The following PRR16 variants were observed in gnomAD, a reference collection of about 807,000 sequenced individuals.
PRR16 encodes proline rich 16.
In PRR16, 6 loss-of-function variants were observed where a neutral mutation model predicts 18.2. The observed-to-expected ratio is 0.33, with a 90% CI of 0.18 to 0.65. The LOEUF (loss-of-function observed/expected upper bound fraction) is 0.65, where lower values mean the gene tolerates loss of function less well. Ranked by LOEUF, PRR16 falls within the 30% of genes least tolerant of loss-of-function variation. The pLI, the probability that PRR16 is intolerant of heterozygous loss-of-function variation, is 0.74. For synonymous variants in PRR16, 151 were observed against 147.8 expected, an observed-to-expected ratio of 1.02 and a Z score of -0.16; for missense variants, 412 against 376.6, an observed-to-expected ratio of 1.09 and a Z score of -0.78.
At position 120,587,793 on chromosome 5, in the gene PRR16, A is replaced by G. The variant is rs138011082; in HGVS notation, c.160-98161A>G. 1.4e-4 allele frequency among the ~76,000 whole-genome samples: 21 copies of G among 152,332 alleles called. 2 individuals are homozygous for G. The East Asian group carries it at 4.0e-3, about 29-fold the overall frequency. On this transcript the variant is annotated intron_variant, in intron 1 of 1. Coordinates refer to ENST00000407149, the MANE Select transcript of PRR16 (RefSeq NM_001300783.2). The stretch of plus-strand genomic sequence containing the variant: ...TTCTGCAGCTCATAGATCAAGGAGT[A>G]ATTTTGACTTTAAAGTCTTATCATT...
chr5:120,668,593 C>T (rs889904456), intron 1 of PRR16, among the ~76,000 whole-genome samples: 14 of 152,162 alleles, frequency 9.2e-5, no homozygotes, highest in East Asian at 7.7e-4. Flanking sequence ...CAGCTGGTAC[C>T]GGTTGTTCCT....
the PRR16 span, among the ~76,000 whole-genome samples, chr5:120,781,995 A>C: frequency 4.3e-5 from 5 of 115,004 alleles, no homozygotes; most frequent in Non-Finnish European, 9.2e-5. Context: ...ACTAATAAAA[A>C]CAGTGATTTG....
chr5:120,466,302 A>C (rs1025920906), intron 1 of PRR16, among the ~76,000 whole-genome samples: 1 of 152,216 alleles, frequency 6.6e-6, no homozygotes, highest in African/African-American at 2.4e-5. Context: ...GGCGTTTTAA[A>C]AAATGAAATT....
the PRR16 span, among the ~76,000 whole-genome samples, chr5:120,753,664 T>C: frequency 3.4e-4 from 52 of 151,074 alleles, no homozygotes; most frequent in Middle Eastern, 3.4e-3. Context: ...TCTTACTATA[T>C]GCCAATCACT....
At chr5:120,501,244 AAC>A (rs912100861) in intron 1 of PRR16, among the ~76,000 whole-genome samples, 2 of 152,240 alleles carry the variant, frequency 1.3e-5, no homozygotes, top group African/African-American at 4.8e-5. Context: ...TTAATTTAAT[AAC>A]ACAAATTAAT....
At chr5:120,678,715 G>A (rs919945288) in intron 1 of PRR16, among the ~76,000 whole-genome samples, 1 of 152,064 alleles carries the variant, frequency 6.6e-6, no homozygotes, top group South Asian at 2.1e-4. Context: ...CTAAATATAA[G>A]ATCATATCAT....
At chr5:120,648,564 T>C (rs1045485938) in intron 1 of PRR16, among the ~76,000 whole-genome samples, 30 of 152,064 alleles carry the variant, frequency 2.0e-4, no homozygotes, top group African/African-American at 6.0e-4. Flanking sequence ...AGAATAAATA[T>C]CTCTATTATT....
intron 1 of PRR16, among the ~76,000 whole-genome samples, chr5:120,552,712 C>G (rs1752291540): frequency 6.6e-6 from 1 of 151,700 alleles, no homozygotes; most frequent in Non-Finnish European, 1.5e-5. Context: ...GCATTTTTTC[C>G]TGCAATTTTC....
At chr5:120,657,706 C>T (rs897145178) in intron 1 of PRR16, among the ~76,000 whole-genome samples, 4 of 151,998 alleles carry the variant, frequency 2.6e-5, no homozygotes, top group Admixed American at 2.0e-4. Context: ...ATTATGTATG[C>T]TCTTTCCAAA....
At chr5:120,523,767 G>A (rs1751263105) in intron 1 of PRR16, among the ~76,000 whole-genome samples, 1 of 144,916 alleles carries the variant, frequency 6.9e-6, no homozygotes. Flanking sequence ...AATTTTCAGA[G>A]TGAGTGTGTA....
chr5:120,567,582 G>T (rs1344054774), intron 1 of PRR16, among the ~76,000 whole-genome samples: 1 of 152,148 alleles, frequency 6.6e-6, no homozygotes, highest in African/African-American at 2.4e-5. Flanking sequence ...TGGAGGAAGG[G>T]CCTGCTGGGA....
chr5:120,761,351 G>C, the PRR16 span, among the ~76,000 whole-genome samples: 1 of 152,000 alleles, frequency 6.6e-6, no homozygotes, highest in Non-Finnish European at 1.5e-5. Context: ...ATGGTGTTTG[G>C]AGGTAGAATC....
intron 1 of PRR16, among the ~76,000 whole-genome samples, chr5:120,554,831 TTTC>T (rs1752360959): frequency 6.6e-6 from 1 of 151,896 alleles, no homozygotes. Context: ...CCTCTCATAA[TTTC>T]TTAAGAATTT....
At chr5:120,577,076 G>T (rs1753103209) in intron 1 of PRR16, among the ~76,000 whole-genome samples, 2 of 151,632 alleles carry the variant, frequency 1.3e-5, no homozygotes, top group South Asian at 4.2e-4. Context: ...TTAAGCATGG[G>T]TGAATTTCAG....
At chr5:120,526,431 TACA>T (rs1751348713) in intron 1 of PRR16, among the ~76,000 whole-genome samples, 2 of 152,200 alleles carry the variant, frequency 1.3e-5, no homozygotes, top group African/African-American at 2.4e-5. Flanking sequence ...GAATTTGGAA[TACA>T]TTTCTGTGCC....
intron 1 of PRR16, among the ~76,000 whole-genome samples, chr5:120,595,779 C>T (rs1276731409): frequency 6.6e-6 from 1 of 151,936 alleles, no homozygotes. Context: ...ATTTAGTACA[C>T]ACCTTTTTCA....
chr5:120,471,895 C>T (rs1438587837), intron 1 of PRR16, among the ~76,000 whole-genome samples: 1 of 152,062 alleles, frequency 6.6e-6, no homozygotes, highest in African/African-American at 2.4e-5. Flanking sequence ...TCTGTCAACT[C>T]AGGACAAATG....
At chr5:120,728,396 T>C in the PRR16 span, among the ~76,000 whole-genome samples, 60 of 152,020 alleles carry the variant, frequency 3.9e-4, no homozygotes, top group African/African-American at 1.4e-3. Context: ...CAACAAATTA[T>C]TTTTTCTCTG....
chr5:120,670,999 G>C (rs991152432), intron 1 of PRR16, among the ~76,000 whole-genome samples: 17 of 152,070 alleles, frequency 1.1e-4, no homozygotes, highest in African/African-American at 3.9e-4. Context: ...TGGTGTTGAA[G>C]ACCCTTAGGC....
Sources: gnomAD v4.1 joint callset for allele counts (sites outside exome capture counted in the v4.1 genomes callset) on GRCh38, gnomAD v4.1.1 for gene constraint, MANE v1.5 for transcripts, NCBI Gene and HGNC (gene_info 2026-07-23, HGNC 2026-07-21) for gene names.